CRACD: variants seen among roughly 807,000 people sequenced by gnomAD.
CRACD encodes capping protein inhibiting regulator of actin dynamics, also known as capping protein-inhibiting regulator of actin dynamics.
A neutral mutation model predicts 106.8 loss-of-function variants in CRACD; 56 were observed. That is an observed-to-expected ratio of 0.52 (90% CI 0.42 to 0.66). The LOEUF is 0.66. CRACD is among the 30% of genes least tolerant of loss of function. The probability of loss-of-function intolerance (pLI) is 0.00; values close to 1 mark genes in which losing one functional copy is unlikely to be tolerated. For missense variants in CRACD, 1,730 were observed against 1,623.2 expected, an observed-to-expected ratio of 1.07 and a Z score of -1.13; for synonymous variants, 754 against 670.8, an observed-to-expected ratio of 1.12 and a Z score of -1.92.
intron 2 of CRACD, among the ~76,000 whole-genome samples, chr4:56,202,163 T>C (rs1737908927): frequency 1.3e-5 from 2 of 151,852 alleles, no homozygotes; most frequent in Admixed American, 1.3e-4. Context: ...GAAACTGGGG[T>C]GGAAAATATT....
chr4:56,065,757 T>C (rs1732447168), intron 1 of CRACD, among the ~76,000 whole-genome samples: 1 of 152,220 alleles, frequency 6.6e-6, no homozygotes, highest in Admixed American at 6.5e-5. Context: ...TTCAGTGTTA[T>C]CTAACCATCA....
chr4:56,306,160 CT>C (rs1459582450), intron 4 of CRACD, among the ~76,000 whole-genome samples: 1 of 152,106 alleles, frequency 6.6e-6, no homozygotes, highest in Admixed American at 6.6e-5. Context: ...ATTGCTATGG[CT>C]TTTTGCAGCT....
intron 2 of CRACD, among the ~76,000 whole-genome samples, chr4:56,252,618 A>G (rs961473150): frequency 2.6e-5 from 4 of 152,214 alleles, no homozygotes; most frequent in African/African-American, 9.6e-5. Flanking sequence ...AGCATTGAAT[A>G]GCACTGGTGA....
At chr4:56,068,237 G>A (rs1011933394) in intron 1 of CRACD, among the ~76,000 whole-genome samples, 6 of 152,298 alleles carry the variant, frequency 3.9e-5, no homozygotes, top group Middle Eastern at 3.4e-3. Context: ...AAGTCCTGTG[G>A]TGATATGGGG....
At chr4:56,103,540 C>T (rs981191901) in intron 1 of CRACD, among the ~76,000 whole-genome samples, 7 of 152,282 alleles carry the variant, frequency 4.6e-5, no homozygotes, top group East Asian at 3.9e-4. Context: ...AAGCAGTTTT[C>T]GTTCCCTCCC....
chr4:56,146,671 T>C (rs1161038088), intron 1 of CRACD, among the ~76,000 whole-genome samples: 4 of 151,352 alleles, frequency 2.6e-5, no homozygotes, highest in African/African-American at 9.7e-5. Context: ...TTCATTTACA[T>C]ATATTTGACA....
chr4:56,260,194 A>G (rs1388164393), intron 2 of CRACD, among the ~76,000 whole-genome samples: 1 of 152,128 alleles, frequency 6.6e-6, no homozygotes, highest in Non-Finnish European at 1.5e-5. Flanking sequence ...TTAACCCAAC[A>G]TTTTTGTTTT....
At chr4:56,086,156 C>T (rs1055889785) in intron 1 of CRACD, among the ~76,000 whole-genome samples, 1 of 152,142 alleles carries the variant, frequency 6.6e-6, no homozygotes, top group African/African-American at 2.4e-5. Context: ...GAGACCTAAG[C>T]AGGGTTGTGA....
At position 56,187,112 on chromosome 4, in the gene CRACD, C is replaced by T. The variant is rs539951071; in HGVS notation, c.-189+7682C>T. On this transcript the variant is annotated intron_variant, in intron 2 of 10. Coordinates refer to ENST00000682029, the MANE Select transcript of CRACD (RefSeq NM_001393381.1). ...CAGAGGCTTTGAATTTGCCATTGAACCTTTGAATCTAGCATTGCCCTAGCA... is the reference window on the plus strand; with the variant it reads ...CAGAGGCTTTGAATTTGCCATTGAATCTTTGAATCTAGCATTGCCCTAGCA... 8.6e-5 allele frequency among the ~76,000 whole-genome samples: 13 copies of T among 151,716 alleles called. No individual in the cohort carries two copies. In the East Asian group the frequency reaches 2.1e-3, roughly 25 times the overall value.
intron 2 of CRACD, among the ~76,000 whole-genome samples, chr4:56,234,268 C>T (rs1285391237): frequency 6.6e-6 from 1 of 152,122 alleles, no homozygotes; most frequent in Non-Finnish European, 1.5e-5. Context: ...CCTCCAATAG[C>T]CCCTGGCAAT....
intron 2 of CRACD, among the ~76,000 whole-genome samples, chr4:56,180,349 C>T (rs1309774597): frequency 3.3e-5 from 5 of 150,972 alleles, no homozygotes; most frequent in Non-Finnish European, 5.9e-5. Flanking sequence ...AACAGCTGGG[C>T]GTGATGGCGG....
intron 2 of CRACD, among the ~76,000 whole-genome samples, chr4:56,260,743 A>G (rs1326702434): frequency 2.6e-5 from 4 of 152,208 alleles, no homozygotes; most frequent in East Asian, 3.8e-4. Flanking sequence ...GCTTCAGTCC[A>G]TGGCTGTGAA....
intron 2 of CRACD, among the ~76,000 whole-genome samples, chr4:56,263,051 GACC>G (rs1741801316): frequency 6.6e-6 from 1 of 152,170 alleles, no homozygotes; most frequent in African/African-American, 2.4e-5. Context: ...GTCCCTGGGA[GACC>G]CAGGGAACTT....
intron 1 of CRACD, among the ~76,000 whole-genome samples, chr4:56,064,364 G>A (rs1465357558): frequency 6.6e-6 from 1 of 152,140 alleles, no homozygotes; most frequent in Non-Finnish European, 1.5e-5. Flanking sequence ...ATGTGAAAGA[G>A]GATTAATGTA....
intron 2 of CRACD, among the ~76,000 whole-genome samples, chr4:56,204,970 A>G (rs1374290343): frequency 6.6e-6 from 1 of 152,150 alleles, no homozygotes; most frequent in Non-Finnish European, 1.5e-5. Context: ...CAGCCTGGGC[A>G]ACATAGCAAG....
At chr4:56,100,212 C>A (rs577340601) in intron 1 of CRACD, among the ~76,000 whole-genome samples, 4 of 152,040 alleles carry the variant, frequency 2.6e-5, no homozygotes, top group African/African-American at 9.6e-5. Flanking sequence ...CAATGCACTC[C>A]AGCCTTGGCG....
chr4:56,180,531 A>ATAG (rs1560474130), intron 2 of CRACD, among the ~76,000 whole-genome samples: 5 of 141,350 alleles, frequency 3.5e-5, no homozygotes, highest in Non-Finnish European at 6.2e-5. Flanking sequence ...TAAATAAATA[A>ATAG]ATAGATAGAT....
chr4:56,077,144 A>G (rs1732866304), intron 1 of CRACD, among the ~76,000 whole-genome samples: 2 of 152,234 alleles, frequency 1.3e-5, no homozygotes, highest in African/African-American at 4.8e-5. Flanking sequence ...TATAAAGAAA[A>G]GAGGTTTAAT....
intron 1 of CRACD, among the ~76,000 whole-genome samples, chr4:56,087,293 G>A (rs372746430): frequency 9.8e-5 from 15 of 152,292 alleles, no homozygotes; most frequent in African/African-American, 3.6e-4. Context: ...GATTACAGCC[G>A]TGAGCCACCG....
Sources: allele counts gnomAD v4.1 joint callset (sites outside exome capture counted in the v4.1 genomes callset), GRCh38; gene constraint gnomAD v4.1.1; transcripts MANE v1.5; gene names NCBI Gene and HGNC (gene_info 2026-07-23, HGNC 2026-07-21).